Variants in DYNC1I1 observed in about 807,000 individuals in gnomAD.
DYNC1I1 encodes cytoplasmic dynein 1 intermediate chain 1.
A neutral mutation model predicts 86.6 loss-of-function variants in DYNC1I1; 43 were observed. The observed-to-expected ratio is 0.50, with a 90% confidence interval of 0.39 to 0.64. DYNC1I1 has a LOEUF of 0.64. DYNC1I1 is among the 30% of genes least tolerant of loss of function. DYNC1I1 has a pLI of 0.00. For synonymous variants in DYNC1I1, 262 were observed against 283.7 expected, an observed-to-expected ratio of 0.92 and a Z score of 0.77; for missense variants, 604 against 788.8, an observed-to-expected ratio of 0.77 and a Z score of 2.81.
chr7:95,777,879 T>C (rs1195641896), intron 1 of DYNC1I1, among the ~76,000 whole-genome samples: 1 of 152,206 alleles, frequency 6.6e-6, no homozygotes, highest in South Asian at 2.1e-4. Context: ...AAGAATTTTT[T>C]AAAAATTCTG....
intron 5 of DYNC1I1, among the ~76,000 whole-genome samples, chr7:95,860,636 A>G (rs1253729538): frequency 6.6e-6 from 1 of 152,198 alleles, no homozygotes; most frequent in Non-Finnish European, 1.5e-5. Flanking sequence ...TGCTGTTATA[A>G]CTAAATATCA....
Position 95,791,118 on chromosome 7 carries a change from T to A in DYNC1I1, c.-9-13603T>A, listed in dbSNP as rs567876303. Among the ~76,000 whole-genome samples, 6 of 152,332 alleles carry A rather than the reference T, an allele frequency of 3.9e-5. No homozygotes were observed. The East Asian group carries it at 1.2e-3, about 29-fold the overall frequency. ...TTTAGGAAAATCTAATTTTACTTTA[T>A]TATCTGAATTAAATAATATTTAAAT... On this transcript the variant is annotated intron_variant, in intron 1 of 16. Transcript: ENST00000447467.
At chr7:96,023,937 A>G (rs981539503) in intron 10 of DYNC1I1, among the ~76,000 whole-genome samples, 64 of 152,208 alleles carry the variant, frequency 4.2e-4, no homozygotes, top group African/African-American at 1.5e-3. Flanking sequence ...TGGGAGGAAC[A>G]TATTGTGCAA....
chr7:95,836,546 A>G (rs1393282368), intron 5 of DYNC1I1, among the ~76,000 whole-genome samples: 1 of 151,672 alleles, frequency 6.6e-6, no homozygotes, highest in East Asian at 1.9e-4. Context: ...TCTCCTGGAT[A>G]ATATCCTGCA....
At chr7:95,887,696 G>A (rs12113827) in intron 6 of DYNC1I1, among the ~76,000 whole-genome samples, 74,032 of 151,918 alleles carry the variant, frequency 0.49, 20,052 homozygotes, top group Non-Finnish European at 0.63. Flanking sequence ...TGTCTTTGGA[G>A]AAAAGAGTTA....
At chr7:95,865,058 G>T (rs1292230263) in intron 5 of DYNC1I1, among the ~76,000 whole-genome samples, 1 of 152,100 alleles carries the variant, frequency 6.6e-6, no homozygotes, top group East Asian at 1.9e-4. Context: ...GTGGGTTGGG[G>T]TGGGGACTGT....
At chr7:96,055,257 CG>C (rs1789539750) in intron 14 of DYNC1I1, among the ~76,000 whole-genome samples, 2 of 151,516 alleles carry the variant, frequency 1.3e-5, no homozygotes, top group Admixed American at 6.6e-5. Flanking sequence ...TGGGGTCTGT[CG>C]GGGGCTTGGG....
chr7:96,101,945 CT>C (rs1791143222), downstream of DYNC1I1, among the ~76,000 whole-genome samples: 1 of 152,046 alleles, frequency 6.6e-6, no homozygotes, highest in African/African-American at 2.4e-5. Flanking sequence ...TATAATATAT[CT>C]ATTTAATAAC....
intron 6 of DYNC1I1, among the ~76,000 whole-genome samples, chr7:95,908,070 T>C (rs1791222683): frequency 6.6e-6 from 1 of 152,264 alleles, no homozygotes; most frequent in Non-Finnish European, 1.5e-5. Flanking sequence ...TGTTGGCAAA[T>C]TTAGTTAAGC....
chr7:95,799,068 C>G (rs949151285), intron 1 of DYNC1I1, among the ~76,000 whole-genome samples: 18 of 152,280 alleles, frequency 1.2e-4, no homozygotes, highest in Admixed American at 6.5e-4. Flanking sequence ...CTGCCTCCCT[C>G]CTCTCCCCAT....
rs577226798 is a variant in DYNC1I1 at position 96,055,059 on chromosome 7, G to A, written c.1509+15638G>A. On this transcript the variant is annotated intron_variant, in intron 14 of 16. Coordinates refer to ENST00000447467, the MANE Select transcript of DYNC1I1 (RefSeq NM_001135556.2). ...TTTGCCCATGCCTGTGTCCTGAATG[G>A]TATTGCCTAGGTTTTCCTCTAGGGT... Among the ~76,000 whole-genome samples the A allele has an allele frequency of 9.8e-5, 15 of 152,292 alleles. No individual in the cohort carries two copies. In the East Asian group the frequency reaches 2.5e-3, roughly 25 times the overall value.
At chr7:95,794,241 T>C (rs1244912334) in intron 1 of DYNC1I1, among the ~76,000 whole-genome samples, 1 of 152,178 alleles carries the variant, frequency 6.6e-6, no homozygotes, top group Non-Finnish European at 1.5e-5. Context: ...TGCCCTAATT[T>C]CCAGTGACCC....
intron 6 of DYNC1I1, among the ~76,000 whole-genome samples, chr7:95,970,060 C>G (rs1793125957): frequency 6.6e-6 from 1 of 152,130 alleles, no homozygotes; most frequent in Admixed American, 6.5e-5. Flanking sequence ...TGCTGTGATA[C>G]ATATTGGGAG....
At chr7:95,994,018 C>G (rs1234603974) in intron 9 of DYNC1I1, among the ~76,000 whole-genome samples, 1 of 152,106 alleles carries the variant, frequency 6.6e-6, no homozygotes, top group East Asian at 1.9e-4. Context: ...TTTAGTAACA[C>G]TCAGGACAGA....
chr7:95,820,638 G>A (rs1016322881), intron 4 of DYNC1I1, among the ~76,000 whole-genome samples: 1 of 152,258 alleles, frequency 6.6e-6, no homozygotes, highest in African/African-American at 2.4e-5. Flanking sequence ...GAGTTCCAGT[G>A]CAGTTGCTTC....
intron 2 of DYNC1I1, among the ~76,000 whole-genome samples, chr7:95,805,677 G>A (rs916472716): frequency 9.9e-5 from 15 of 151,980 alleles, no homozygotes; most frequent in African/African-American, 3.6e-4. Flanking sequence ...CTAATTTGTC[G>A]TGGCAGTGTA....
chr7:96,084,934 G>A (rs757562373), intron 16 of DYNC1I1, among the ~76,000 whole-genome samples: 2 of 152,128 alleles, frequency 1.3e-5, no homozygotes, highest in Non-Finnish European at 2.9e-5. Context: ...ACCCCAGTTG[G>A]AGTGGAGCGG....
chr7:95,823,434 A>T (rs573612820), intron 4 of DYNC1I1, among the ~76,000 whole-genome samples: 15 of 152,340 alleles, frequency 9.8e-5, no homozygotes, highest in African/African-American at 3.6e-4. Flanking sequence ...TTTTCAGCTC[A>T]TATTTATTCA....
Position 96,032,725 on chromosome 7 carries a change from T to C in DYNC1I1, c.1175T>C (p.Val392Ala). The C allele has an allele frequency of 6.2e-7, 1 of 1,613,736 alleles. No homozygotes were observed. The highest frequency in any genetic ancestry group is 8.5e-7 in the Non-Finnish European group (1 of 1,179,744). ...CAGAATGCTCATAACCTCATCACTG[T>C]CTCCACTGATGGCAAAATGTGTTCC... Reference protein sequence around the residue: ...GTQNAHNLITVSTDGKMCSWS... With the variant: ...GTQNAHNLITASTDGKMCSWS... Residue 392 changes from valine (V) to alanine (A), a missense_variant, in exon 12 of 17, where the codon GTC (valine) becomes GCC (alanine). Physicochemically the swap from Val to Ala is moderately conservative, Grantham distance 64. Transcript: ENST00000447467.
Sources: gnomAD v4.1 joint callset for allele counts (sites outside exome capture counted in the v4.1 genomes callset) on GRCh38, gnomAD v4.1.1 for gene constraint, MANE v1.5 for transcripts, NCBI Gene and HGNC (gene_info 2026-07-23, HGNC 2026-07-21) for gene names.